The following SEC23IP variants were observed in gnomAD, a reference collection of about 807,000 sequenced individuals.
SEC23IP encodes SEC23-interacting protein.
Under a neutral mutation model 113.4 loss-of-function variants are expected in SEC23IP, and 70 were observed. The observed-to-expected ratio is 0.62, with a 90% CI of 0.51 to 0.75. The LOEUF is 0.75. SEC23IP is among the 30% of genes least tolerant of loss of function. SEC23IP has a pLI of 0.00. For missense variants in SEC23IP, 1,160 were observed against 1,204.9 expected (o/e 0.96, Z 0.55); for synonymous variants, 398 against 421.0 (o/e 0.95, Z 0.67).
chr10:119,893,041 T>G, intron 1 of SEC23IP, 96 bp downstream of exon 1: 3 of 1,359,998 alleles, frequency 2.2e-6, no homozygotes, highest in African/African-American at 1.5e-5. Flanking sequence ...TGCCTCGAGC[T>G]ACCCTCTGGA....
intron 13 of SEC23IP, among the ~76,000 whole-genome samples, chr10:119,928,865 A>G (rs773808777): frequency 2.0e-5 from 3 of 152,246 alleles, no homozygotes; most frequent in Non-Finnish European, 2.9e-5. Context: ...TGATAGTTAT[A>G]ATAGTAACAG....
intron 12 of SEC23IP, 60 bp downstream of exon 12, chr10:119,921,044 A>T: frequency 8.1e-7 from 1 of 1,234,188 alleles, no homozygotes; most frequent in Non-Finnish European, 1.2e-6. Context: ...GCTCGTTTAT[A>T]TTATAGAAAA....
intron 12 of SEC23IP, among the ~76,000 whole-genome samples, chr10:119,924,263 TC>T (rs547202463): frequency 5.2e-4 from 79 of 152,340 alleles, no homozygotes; most frequent in African/African-American, 1.8e-3. Context: ...TTAGGCACTG[TC>T]GATAGCTGTT....
At chr10:119,921,654 A>T (rs1389102154) in intron 12 of SEC23IP, among the ~76,000 whole-genome samples, 1 of 152,256 alleles carries the variant, frequency 6.6e-6, no homozygotes, top group Non-Finnish European at 1.5e-5. Flanking sequence ...ATTGTTAACA[A>T]TACAAAACAA....
chr10:119,912,090 C>A lies in SEC23IP; in HGVS notation c.1238C>A (p.Thr413Asn). ...QPSSVPDEWG[T>N]TQDGQTRPRV... ...TCCTCAGTGCCAGATGAATGGGGCACCACGCAAGATGGACAGACAAGGCCC... is the reference window on the plus strand; with the variant it reads ...TCCTCAGTGCCAGATGAATGGGGCAACACGCAAGATGGACAGACAAGGCCC... The change falls in exon 6 of 19, where the codon ACC (threonine) becomes AAC (asparagine). Residue 413 changes from threonine (T) to asparagine (N), a missense_variant. Thr to Asn is a moderately conservative substitution (Grantham distance 65). Coordinates refer to ENST00000369075, the MANE Select transcript of SEC23IP (RefSeq NM_007190.4). The A allele has an allele frequency of 6.2e-7, 1 of 1,614,014 alleles. No individual in the cohort carries two copies. The highest frequency in any genetic ancestry group is 8.5e-7 in the Non-Finnish European group (1 of 1,179,958).
intron 4 of SEC23IP, among the ~76,000 whole-genome samples, chr10:119,905,167 C>T (rs367960243): frequency 1.5e-3 from 221 of 151,318 alleles, no homozygotes; most frequent in Admixed American, 9.0e-3. Context: ...TGTATATGTG[C>T]ATATATGTGT....
intron 18 of SEC23IP, among the ~76,000 whole-genome samples, chr10:119,938,936 C>G (rs1855879452): frequency 6.6e-6 from 1 of 152,176 alleles, no homozygotes; most frequent in Admixed American, 6.5e-5. Flanking sequence ...ATACATAGTT[C>G]ATTCAAGCTT....
chr10:119,934,907 C>A (rs377405275), intron 18 of SEC23IP, among the ~76,000 whole-genome samples: 3 of 152,178 alleles, frequency 2.0e-5, no homozygotes, highest in African/African-American at 7.2e-5. Context: ...GAGGCCAAGG[C>A]GGGCAGATCA....
At chr10:119,937,670 GATTA>G (rs1039581472) in intron 18 of SEC23IP, among the ~76,000 whole-genome samples, 2 of 151,092 alleles carry the variant, frequency 1.3e-5, no homozygotes, top group Non-Finnish European at 3.0e-5. Flanking sequence ...AGTCTTTTAT[GATTA>G]ATTATTTTTT....
chr10:119,913,423 A>C (rs1589833575), intron 6 of SEC23IP, among the ~76,000 whole-genome samples: 2 of 152,266 alleles, frequency 1.3e-5, no homozygotes, highest in East Asian at 1.9e-4. Context: ...CAAACTACTC[A>C]GCTTTGCTAT....
rs923773573 is a variant in SEC23IP, at chr10:119,943,943, T to G, written c.*3378T>G. 2 of 152,240 alleles carry G rather than the reference T, an allele frequency of 1.3e-5. No homozygotes were observed. The highest frequency in any genetic ancestry group is 2.9e-5 in the Non-Finnish European group (2 of 68,048). The allele number at this position is 152,240 out of a possible 1,614,324, so 9.4% of individuals were successfully genotyped here. ...ACCCACCATGTTTGTCTTTCATTTC[T>G]TGTATAAAGAGTGGTTTTTAAAAGA... On this transcript the variant is annotated 3_prime_UTR_variant, in exon 19 of 19. Coordinates refer to ENST00000369075, the MANE Select transcript of SEC23IP (RefSeq NM_007190.4).
At chr10:119,933,396 A>C (rs2901218) in intron 17 of SEC23IP, among the ~76,000 whole-genome samples, 27,142 of 152,186 alleles carry the variant, frequency 0.18, 2,616 homozygotes, top group Non-Finnish European at 0.22. Flanking sequence ...TTTTGTGGGA[A>C]TGCCTTTCAC....
At chr10:119,928,788 G>A (rs1855498145) in intron 13 of SEC23IP, among the ~76,000 whole-genome samples, 1 of 152,230 alleles carries the variant, frequency 6.6e-6, no homozygotes, top group Admixed American at 6.5e-5. Flanking sequence ...CTACATGTAA[G>A]CTACTCAAAA....
intron 13 of SEC23IP, 136 bp downstream of exon 13, chr10:119,926,363 GAA>G: frequency 1.1e-6 from 1 of 934,004 alleles, no homozygotes; most frequent in South Asian, 2.1e-5. Flanking sequence ...TTCTCTTAGT[GAA>G]AATTTTTTTC....
chr10:119,919,432 T>C lies in SEC23IP; in HGVS notation c.1873-12T>C, dbSNP rs759892090. 3.2e-6 allele frequency: 5 copies of C among 1,581,218 alleles called. No homozygotes were observed. The East Asian group carries it at 9.0e-5, about 28-fold the overall frequency. ...TGAGCTTGTAATGTTTTTCATACTT[T>C]TTTTTTTAAAGATGCCTGAAGAGCC... On this transcript the variant is annotated splice_polypyrimidine_tract_variant and intron_variant, in intron 10 of 18. Transcript: ENST00000369075.
At chr10:119,939,206 C>T (rs1855887748) in intron 18 of SEC23IP, among the ~76,000 whole-genome samples, 1 of 151,630 alleles carries the variant, frequency 6.6e-6, no homozygotes, top group Non-Finnish European at 1.5e-5. Context: ...GTAGTCCCAG[C>T]AACTTGGGAG....
intron 13 of SEC23IP, 63 bp downstream of exon 13, chr10:119,926,290 G>A (rs1374476798): frequency 6.9e-6 from 10 of 1,441,666 alleles, no homozygotes; most frequent in Non-Finnish European, 9.4e-6. Flanking sequence ...TTATCATTTG[G>A]GTTGGCTTTA....
chr10:119,929,899 A>G, intron 14 of SEC23IP, 137 bp downstream of exon 14: 2 of 588,100 alleles, frequency 3.4e-6, no homozygotes, highest in Non-Finnish European at 5.9e-6. Context: ...TCCTTCCATC[A>G]CAGCCTCCCA....
intron 6 of SEC23IP, among the ~76,000 whole-genome samples, chr10:119,912,642 C>CTT (rs760515822): frequency 9.4e-5 from 11 of 116,412 alleles, no homozygotes; most frequent in African/African-American, 1.7e-4. Flanking sequence ...TTTTCTTTTT[C>CTT]TTTTTTTTTT....
Sources: gnomAD v4.1 joint callset for allele counts (sites outside exome capture counted in the v4.1 genomes callset) on GRCh38, gnomAD v4.1.1 for gene constraint, MANE v1.5 for transcripts, NCBI Gene and HGNC (gene_info 2026-07-23, HGNC 2026-07-21) for gene names.